DYNC1H1: variants seen among roughly 807,000 people sequenced by gnomAD.
DYNC1H1 encodes cytoplasmic dynein 1 heavy chain 1.
In DYNC1H1, 51 loss-of-function variants were observed where a neutral mutation model predicts 527.1. The observed-to-expected ratio is 0.10, with a 90% confidence interval of 0.08 to 0.12. The LOEUF is 0.12. Ranked by LOEUF, DYNC1H1 falls within the 10% of genes least tolerant of loss-of-function variation. The pLI is 1.00. For synonymous variants in DYNC1H1, 2,189 were observed against 2,278.8 expected, an observed-to-expected ratio of 0.96 and a Z score of 1.12; for missense variants, 2,771 against 5,971.8, an observed-to-expected ratio of 0.46 and a Z score of 17.66.
intron 34 of DYNC1H1, among the ~76,000 whole-genome samples, chr14:102,013,682 G>A (rs193116766): frequency 2.0e-5 from 3 of 152,294 alleles, no homozygotes; most frequent in Admixed American, 2.0e-4. Context: ...GGGATCCATG[G>A]AGCAGCCTGG....
At chr14:102,048,333 T>G in intron 73 of DYNC1H1, 183 bp from the exon 74 acceptor site, 1 of 876,920 alleles carries the variant, frequency 1.1e-6, no homozygotes, top group Non-Finnish European at 1.8e-6. Flanking sequence ...CTCAGCGGGT[T>G]TCTGAGCAGC....
rs1438170824 is a variant in DYNC1H1, at chr14:102,011,114, T to C, written c.6618+162T>C. On this transcript the variant is annotated intron_variant, in intron 32 of 77. Coordinates refer to ENST00000360184, the MANE Select transcript of DYNC1H1 (RefSeq NM_001376.5). The surrounding 1 kb of genome is among the most constrained non-coding windows in gnomAD (Gnocchi z 5.3). ...GCCCAAGGCCTATTTGAATTTTTGTTGTTGTTGTTTAAATGAAGAGGAAAC... is the reference window on the plus strand; with the variant it reads ...GCCCAAGGCCTATTTGAATTTTTGTCGTTGTTGTTTAAATGAAGAGGAAAC... The C allele has an allele frequency of 1.3e-6, 1 of 780,812 alleles. No homozygotes were observed. The highest frequency in any genetic ancestry group is 1.7e-5 in the African/African-American group (1 of 58,156). The allele number at this position is 780,812 out of a possible 1,614,324, so 48.4% of individuals were successfully genotyped here.
In DYNC1H1 at chr14:102,042,769, G is replaced by T; in HGVS notation, c.12513+21G>T. 1.9e-6 allele frequency: 3 copies of T among 1,613,026 alleles called. No homozygotes were observed. The highest frequency in any genetic ancestry group is 2.5e-6 in the Non-Finnish European group (3 of 1,179,408). On this transcript the variant is annotated intron_variant, in intron 69 of 77. Coordinates refer to ENST00000360184, the MANE Select transcript of DYNC1H1 (RefSeq NM_001376.5). This position sits in a 1 kb window ranked among gnomAD's most constrained non-coding sequence, Gnocchi z 5.7. Reference sequence around the variant, plus strand: ...GCAAGGTAAGTACCTTGTCCTCCTGGTATGCTTTCCCCATAGAAGCTAAAG... The same window carrying T: ...GCAAGGTAAGTACCTTGTCCTCCTGTTATGCTTTCCCCATAGAAGCTAAAG...
In DYNC1H1 at chr14:101,999,969, T is replaced by C; in HGVS notation, c.3805-20T>C. The C allele has an allele frequency of 6.2e-7, 1 of 1,614,152 alleles. No individual in the cohort carries two copies. The highest frequency in any genetic ancestry group is 1.7e-5 in the Admixed American group (1 of 60,022). On this transcript the variant is annotated intron_variant, in intron 16 of 77. Transcript: ENST00000360184. ...CCTGAGACATTGTGCTCCAATTCTCTGTGCTCTGACTGCTTTCAGGGCAAC... is the reference window on the plus strand; with the variant it reads ...CCTGAGACATTGTGCTCCAATTCTCCGTGCTCTGACTGCTTTCAGGGCAAC...
rs944124498 is a variant in DYNC1H1 at position 102,042,926 on chromosome 14, C to G, written c.12513+178C>G. ...CCATGGCCGGGCACCGTGGCTCACA[C>G]TGGTAATCCTAGCACTTTGGAAGGT... On this transcript the variant is annotated intron_variant, in intron 69 of 77. Transcript: ENST00000360184. The surrounding 1 kb of genome is among the most constrained non-coding windows in gnomAD (Gnocchi z 5.7). The G allele has an allele frequency of 7.0e-6, 5 of 719,316 alleles. No homozygotes were observed. Among genetic ancestry groups the G allele is most frequent in the Non-Finnish European group, 1.2e-5 (5 of 414,612 alleles). The allele number at this position is 719,316 out of a possible 1,614,324, so 44.6% of individuals were successfully genotyped here. A position where few individuals can be genotyped will look rare whatever the true frequency, so the allele number is the denominator to read the frequency against.
intron 43 of DYNC1H1, among the ~76,000 whole-genome samples, chr14:102,026,098 A>G (rs1192505418): frequency 6.8e-6 from 1 of 146,716 alleles, no homozygotes; most frequent in East Asian, 2.0e-4. Context: ...CTGGTGACAG[A>G]GCGAGGCTAC....
intron 57 of DYNC1H1, chr14:102,037,423 C>CAAAAAAAAA (rs71305087): frequency 1.5e-5 from 1 of 68,184 alleles, no homozygotes; most frequent in Non-Finnish European, 3.1e-5. Flanking sequence ...GACTCCATCT[C>CAAAAAAAAA]AAAAAAAAAA....
At chr14:101,996,321 G>A (rs2048061950) in intron 15 of DYNC1H1, among the ~76,000 whole-genome samples, 1 of 151,602 alleles carries the variant, frequency 6.6e-6, no homozygotes, top group African/African-American at 2.4e-5. Flanking sequence ...GCAGAGACGG[G>A]GTTTCTCCTT....
chr14:102,012,605 A>G lies in DYNC1H1; in HGVS notation c.7014+135A>G. ...GTGATCATTGTGTAAGTAATTTTCA[A>G]AGATAGCATCTCAACTGCTAGATTT... On this transcript the variant is annotated intron_variant, in intron 34 of 77. Transcript: ENST00000360184. The surrounding 1 kb of genome is among the most constrained non-coding windows in gnomAD (Gnocchi z 4.9). The G allele has an allele frequency of 1.6e-6, 2 of 1,263,486 alleles. No individual in the cohort carries two copies. Among genetic ancestry groups the G allele is most frequent in the Non-Finnish European group, 2.3e-6 (2 of 874,854 alleles). 78.3% of individuals were successfully genotyped at this position (1,263,486 alleles called of 1,614,324 possible). A position where few individuals can be genotyped will look rare whatever the true frequency, so the allele number is the denominator to read the frequency against.
At position 102,049,295 on chromosome 14, in the gene DYNC1H1, A is replaced by G. The variant is rs2048771588; in HGVS notation, c.13373-145A>G. ...GTGGTGAGGGCGGCGCCAGGGGCAT[A>G]AAGTGCAGCCTGGGAAAGGCAGTAG... On this transcript the variant is annotated intron_variant, in intron 74 of 77. Transcript: ENST00000360184. The surrounding 1 kb of genome is among the most constrained non-coding windows in gnomAD (Gnocchi z 5.5). The G allele has an allele frequency of 3.3e-6, 4 of 1,201,534 alleles. No individual in the cohort carries two copies. The highest frequency in any genetic ancestry group is 2.0e-5 in the Admixed American group (1 of 51,136). 74.4% of individuals were successfully genotyped at this position (1,201,534 alleles called of 1,614,324 possible). A position where few individuals can be genotyped will look rare whatever the true frequency, so the allele number is the denominator to read the frequency against.
In DYNC1H1 at chr14:101,983,558, A is replaced by G. The variant is rs1060504508; in HGVS notation, c.1410A>G (p.Arg470=). Residue 470 remains arginine, a synonymous_variant, in exon 7 of 78, where the codon AGA becomes AGG. Coordinates refer to ENST00000360184, the MANE Select transcript of DYNC1H1 (RefSeq NM_001376.5). The surrounding 1 kb of genome is among the most constrained non-coding windows in gnomAD (Gnocchi z 5.3). ...GCCTTGACCAGATGAGAAAATTTAG[A>G]CGCCAGCATGAACAGCTAAGAGCTG... The part of the protein sequence containing the change: ...QARLDQMRKF[R]RQHEQLRAVI... The G allele has an allele frequency of 1.2e-6, 2 of 1,614,032 alleles. No homozygotes were observed. The highest frequency in any genetic ancestry group is 1.7e-5 in the Admixed American group (1 of 60,006).
Position 101,996,910 on chromosome 14 carries a change from A to G in DYNC1H1, c.3565-125A>G, listed in dbSNP as rs2048069037. The G allele has an allele frequency of 2.9e-6, 4 of 1,373,122 alleles. No individual in the cohort carries two copies. The East Asian group carries it at 1.0e-4, about 35-fold the overall frequency. 85.1% of individuals were successfully genotyped at this position (1,373,122 alleles called of 1,614,324 possible). Reference sequence around the variant, plus strand: ...AGTGCTGGGATTACAGGCAAGAACCACTGTGTCTGGCCAGTCTTACGTGTT... The same window carrying G: ...AGTGCTGGGATTACAGGCAAGAACCGCTGTGTCTGGCCAGTCTTACGTGTT... On this transcript the variant is annotated intron_variant, in intron 15 of 77. Transcript: ENST00000360184.
At chr14:101,990,045 G>T (rs1261268007) in intron 10 of DYNC1H1, among the ~76,000 whole-genome samples, 3 of 152,222 alleles carry the variant, frequency 2.0e-5, no homozygotes, top group Admixed American at 2.0e-4. Context: ...CATAGCCTAG[G>T]TGGGCAGCGG....
chr14:102,013,248 C>CAAAAAA (rs57229386), intron 34 of DYNC1H1, among the ~76,000 whole-genome samples: 5 of 41,312 alleles, frequency 1.2e-4, no homozygotes, highest in Middle Eastern at 0.016. Flanking sequence ...GACTCCGTCT[C>CAAAAAA]AAAAAAAAAA....
In DYNC1H1 at chr14:102,016,252, A is replaced by C; in HGVS notation, c.7474-97A>C. 5 of 1,545,918 alleles carry C rather than the reference A, an allele frequency of 3.2e-6. No individual in the cohort carries two copies. In the Admixed American group the frequency reaches 9.4e-5, roughly 29 times the overall value. ...CAGTGGGTGTCTGTGATGCAAGAAG[A>C]CTGGGAACCACTGTCTTTAGGTTAA... On this transcript the variant is annotated intron_variant, in intron 36 of 77. Transcript: ENST00000360184. This position sits in a 1 kb window ranked among gnomAD's most constrained non-coding sequence, Gnocchi z 7.3.
rs1567021935 is a variant in DYNC1H1 at position 102,040,644 on chromosome 14, C to T, written c.11912C>T (p.Pro3971Leu). 2.5e-6 allele frequency: 4 copies of T among 1,614,188 alleles called. No individual in the cohort carries two copies. Among genetic ancestry groups the T allele is most frequent in the Non-Finnish European group, 1.7e-6 (2 of 1,180,030 alleles). The change falls in exon 64 of 78, where the codon CCC becomes CTC. Residue 3971 changes from proline (P) to leucine (L), a missense_variant. By Grantham distance (98) the Pro-to-Leu change is moderately conservative (BLOSUM62 -3). This residue lies in a region of DYNC1H1 where 120 missense variants were observed against 161.9 expected (regional missense o/e 0.74). Transcript: ENST00000360184. ...LDSSSPEQTV[P>L]YLWSEETPAT... ...AGCAGCTCCCCGGAGCAGACTGTGC[C>T]CTACCTCTGGAGTGAAGAAACACCT...
Position 102,029,070 on chromosome 14 carries a change from C to A in DYNC1H1, c.9469-469C>A, listed in dbSNP as rs1367964482. The stretch of plus-strand genomic sequence containing the variant: ...AGCTTGTAGGTGTCCTGCTGCCCAG[C>A]CCCTGCAGGCCATCTCCATTGCCCT... On this transcript the variant is annotated intron_variant, in intron 48 of 77. Transcript: ENST00000360184. The surrounding 1 kb of genome is among the most constrained non-coding windows in gnomAD (Gnocchi z 5.3). 4.8e-6 allele frequency: 1 copy of A among 207,632 alleles called. No homozygotes were observed. The highest frequency in any genetic ancestry group is 5.3e-5 in the Admixed American group (1 of 18,940). The allele number at this position is 207,632 out of a possible 1,614,324, so 12.9% of individuals were successfully genotyped here. A position where few individuals can be genotyped will look rare whatever the true frequency, so the allele number is the denominator to read the frequency against.
At position 102,010,675 on chromosome 14, in the gene DYNC1H1, T is replaced by C; in HGVS notation, c.6406-65T>C. 6.2e-7 allele frequency: 1 copy of C among 1,600,670 alleles called. No homozygotes were observed. The highest frequency in any genetic ancestry group is 1.7e-5 in the Admixed American group (1 of 59,904). On this transcript the variant is annotated intron_variant, in intron 31 of 77. Coordinates refer to ENST00000360184, the MANE Select transcript of DYNC1H1 (RefSeq NM_001376.5). The surrounding 1 kb of genome is among the most constrained non-coding windows in gnomAD (Gnocchi z 6.0). ...CAACAGTTACTGATCACGCACCTCC[T>C]GGGGATGCAGCGGGCAGTACTTGAG... is the stretch of plus-strand genomic sequence containing the variant.
intron 1 of DYNC1H1, among the ~76,000 whole-genome samples, chr14:101,974,249 G>A (rs866555354): frequency 4.6e-5 from 7 of 152,108 alleles, no homozygotes; most frequent in Non-Finnish European, 1.0e-4. Context: ...ACAGGCATGC[G>A]CCACCATGCC....
Sources: gnomAD v4.1 joint callset for allele counts (sites outside exome capture counted in the v4.1 genomes callset) on GRCh38, gnomAD v4.1.1 for gene constraint, gnomAD v4.1.1 regional missense constraint, Gnocchi (gnomAD v3.1) non-coding constraint, MANE v1.5 for transcripts, NCBI Gene and HGNC (gene_info 2026-07-23, HGNC 2026-07-21) for gene names.